Variants in AMOTL1 observed in about 807,000 individuals in gnomAD.
AMOTL1 encodes the protein angiomotin like 1.
Under a neutral mutation model 102.9 loss-of-function variants are expected in AMOTL1, and 45 were observed. The ratio of observed to expected loss-of-function variants is 0.44; its 90% CI spans 0.34 to 0.56. The LOEUF (loss-of-function observed/expected upper bound fraction) is 0.56. AMOTL1 is among the 20% of genes least tolerant of loss of function. AMOTL1 has a pLI of 0.01. For synonymous variants in AMOTL1, 481 were observed against 484.7 expected, an observed-to-expected ratio of 0.99 and a Z score of 0.10; for missense variants, 1,114 against 1,225.6, an observed-to-expected ratio of 0.91 and a Z score of 1.36.
At chr11:94,751,580 A>C (rs1290914020) in intron 3 of AMOTL1, among the ~76,000 whole-genome samples, 14 of 152,076 alleles carry the variant, frequency 9.2e-5, no homozygotes, top group Admixed American at 9.2e-4. Flanking sequence ...TTGCAAAGTG[A>C]TATTACACAT....
At chr11:94,731,569 T>C (rs750047843) in intron 2 of AMOTL1, among the ~76,000 whole-genome samples, 10 of 152,178 alleles carry the variant, frequency 6.6e-5, no homozygotes, top group Admixed American at 2.0e-4. Context: ...GGACGAATTA[T>C]AGAAAAATAT....
chr11:94,732,007 C>T (rs1950361959), intron 2 of AMOTL1, among the ~76,000 whole-genome samples: 1 of 152,244 alleles, frequency 6.6e-6, no homozygotes, highest in Non-Finnish European at 1.5e-5. Context: ...TCCCCTACAG[C>T]CATCTCAGCT....
chr11:94,715,796 T>C (rs1370050130), intron 1 of AMOTL1, among the ~76,000 whole-genome samples: 2 of 152,140 alleles, frequency 1.3e-5, no homozygotes, highest in Non-Finnish European at 2.9e-5. Flanking sequence ...TTTTATTTCG[T>C]TTCAGTTTTC....
At chr11:94,808,662 C>T (rs184713634) in intron 3 of AMOTL1, among the ~76,000 whole-genome samples, 1 of 152,200 alleles carries the variant, frequency 6.6e-6, no homozygotes, top group Admixed American at 6.5e-5. Context: ...GGAACTGGCT[C>T]TCCAGAACCA....
rs1214739064 is a variant in AMOTL1, at chr11:94,862,302, AAG to A, written c.2136-2429_2136-2428del. ...TCAGAATTGCTTTTTTCTTTTCAGT[AAG>A]AGAAAAAAGGAAAATGAAACATTTT... On this transcript the variant is annotated intron_variant, in intron 9 of 12. Coordinates refer to ENST00000433060, the MANE Select transcript of AMOTL1 (RefSeq NM_130847.3). Among the ~76,000 whole-genome samples, 10 of 152,328 alleles carry A rather than the reference AAG, an allele frequency of 6.6e-5. No individual in the cohort carries two copies. In the East Asian group the frequency reaches 1.7e-3, roughly 26 times the overall value.
intron 1 of AMOTL1, among the ~76,000 whole-genome samples, chr11:94,786,885 A>G (rs1485039423): frequency 6.6e-6 from 1 of 152,248 alleles, no homozygotes; most frequent in Non-Finnish European, 1.5e-5. Flanking sequence ...TTGAGTCCAC[A>G]TGATGTGTCA....
At chr11:94,794,859 A>G (rs1021276923) in intron 1 of AMOTL1, among the ~76,000 whole-genome samples, 152 bp from the exon 2 acceptor site, 1 of 152,196 alleles carries the variant, frequency 6.6e-6, no homozygotes, top group Non-Finnish European at 1.5e-5. Context: ...AATTCTGAAT[A>G]GTAACTTTGG....
At position 94,864,823 on chromosome 11, in the gene AMOTL1, G is replaced by T; in HGVS notation, c.2224G>T (p.Val742Leu). ...AHIWQEEEEVVQANRRCQDME... is the reference protein window; with the variant it reads ...AHIWQEEEEVLQANRRCQDME... ...CATCTGGCAAGAGGAGGAGGAGGTG[G>T]TGCAGGCCAACAGAAGGTGTCAGGA... The change falls in exon 10 of 13, where the codon GTG becomes TTG. Residue 742 changes from valine (V) to leucine (L), a missense_variant. Coordinates refer to ENST00000433060, the MANE Select transcript of AMOTL1 (RefSeq NM_130847.3). 1 of 1,613,840 alleles carries T rather than the reference G, an allele frequency of 6.2e-7. No homozygotes were observed. Among genetic ancestry groups the T allele is most frequent in the Non-Finnish European group, 8.5e-7 (1 of 1,179,776 alleles).
In AMOTL1 at chr11:94,859,708, G is replaced by C; in HGVS notation, c.2128G>C (p.Ala710Pro). The C allele has an allele frequency of 6.2e-7, 1 of 1,606,914 alleles. No individual in the cohort carries two copies. The highest frequency in any genetic ancestry group is 1.3e-5 in the African/African-American group (1 of 74,918). ...CATGAATGCCGCAGCCACTGCAGCA[G>C]CTGAGAGGTGAGACCAGTGGAACTC... Reference protein sequence around the residue: ...FAMNAAATAAAERDTTIINHS... With the variant: ...FAMNAAATAAPERDTTIINHS... Residue 710 changes from alanine to proline, a missense_variant, in exon 9 of 13, where the codon GCT (alanine) becomes CCT (proline). Transcript: ENST00000433060.
chr11:94,866,164 C>T lies in AMOTL1; in HGVS notation c.2484C>T (p.Ser828=). The T allele has an allele frequency of 6.2e-7, 1 of 1,613,758 alleles. No individual in the cohort carries two copies. The highest frequency in any genetic ancestry group is 8.5e-7 in the Non-Finnish European group (1 of 1,179,788). ...EKKEEKTWKG[S]IGLLLGKEHH... is the part of the protein sequence containing the mutation. ...AGGAAGAGAAGACCTGGAAGGGGAG[C>T]ATAGGTGAGCCCCACACCTCTGTCA... is the stretch of plus-strand genomic sequence containing the variant. Residue 828 remains serine (S), a synonymous_variant, in exon 11 of 13, where the codon AGC becomes AGT. Coordinates refer to ENST00000433060, the MANE Select transcript of AMOTL1 (RefSeq NM_130847.3).
chr11:94,791,426 C>T (rs540258380), intron 1 of AMOTL1, among the ~76,000 whole-genome samples: 10 of 152,332 alleles, frequency 6.6e-5, no homozygotes, highest in Non-Finnish European at 1.2e-4. Context: ...TTGCTTTTGC[C>T]ACTTTCCCTA....
chr11:94,774,868 T>A (rs367738185), intron 1 of AMOTL1, among the ~76,000 whole-genome samples: 85 of 152,310 alleles, frequency 5.6e-4, no homozygotes, highest in African/African-American at 1.9e-3. Flanking sequence ...ACAGATCTAT[T>A]TCTAAGGTTA....
intron 6 of AMOTL1, among the ~76,000 whole-genome samples, chr11:94,834,110 T>C (rs770541153): frequency 1.3e-5 from 2 of 152,228 alleles, no homozygotes; most frequent in Non-Finnish European, 2.9e-5. Flanking sequence ...ACTGCCTCTC[T>C]TCCTAGTTAT....
At chr11:94,808,454 C>G (rs1267527349) in intron 3 of AMOTL1, among the ~76,000 whole-genome samples, 2 of 151,848 alleles carry the variant, frequency 1.3e-5, no homozygotes, top group African/African-American at 4.8e-5. Context: ...TTTTCTTTTC[C>G]TGTCATGTTT....
chr11:94,729,009 C>T, exon 2 of AMOTL1: 1 of 1,289,034 alleles, frequency 7.8e-7, no homozygotes. Context: ...AGGAAGGAGC[C>T]TGGTTATCCC....
At position 94,768,373 on chromosome 11, in the gene AMOTL1, A is replaced by G; in HGVS notation, c.-139A>G. ...GCGGCGGGAGCGCGCGAGAAGCTCTAGGACCCAGCAGCGGTTGTCGGGTTT... is the reference window on the plus strand; with the variant it reads ...GCGGCGGGAGCGCGCGAGAAGCTCTGGGACCCAGCAGCGGTTGTCGGGTTT... On this transcript the variant is annotated 5_prime_UTR_variant, in exon 1 of 13. Coordinates refer to ENST00000433060, the MANE Select transcript of AMOTL1 (RefSeq NM_130847.3). 2 of 1,475,622 alleles carry G rather than the reference A, an allele frequency of 1.4e-6. No individual in the cohort carries two copies. Among genetic ancestry groups the G allele is most frequent in the Non-Finnish European group, 1.8e-6 (2 of 1,112,862 alleles). The allele number at this position is 1,475,622 out of a possible 1,614,324, so 91.4% of individuals were successfully genotyped here. A position where few individuals can be genotyped will look rare whatever the true frequency, so the allele number is the denominator to read the frequency against.
chr11:94,717,727 T>A (rs1214111932), intron 1 of AMOTL1, among the ~76,000 whole-genome samples: 6 of 151,664 alleles, frequency 4.0e-5, no homozygotes, highest in African/African-American at 9.7e-5. Context: ...ATAAAACATA[T>A]GTGATGAAAG....
At chr11:94,728,981 G>A (rs1475724016) in exon 2 of AMOTL1, 12 of 1,288,960 alleles carry the variant, frequency 9.3e-6, no homozygotes, top group Non-Finnish European at 1.2e-5. Flanking sequence ...ATGGACCTCA[G>A]TGAAAAATGG....
intron 3 of AMOTL1, among the ~76,000 whole-genome samples, chr11:94,800,792 G>A (rs911150312): frequency 6.6e-6 from 1 of 152,188 alleles, no homozygotes; most frequent in African/African-American, 2.4e-5. Context: ...ACTAAAGCCT[G>A]GAGAGATTAA....
Sources: gnomAD v4.1 joint callset for allele counts (sites outside exome capture counted in the v4.1 genomes callset) on GRCh38, gnomAD v4.1.1 for gene constraint, MANE v1.5 for transcripts, NCBI Gene and HGNC (gene_info 2026-07-23, HGNC 2026-07-21) for gene names.